DYM: variants seen among roughly 807,000 people sequenced by gnomAD.
The protein encoded by DYM is dyggve-Melchior-Clausen syndrome protein.
Under a neutral mutation model 93.1 loss-of-function variants are expected in DYM, and 78 were observed. That is an observed-to-expected ratio of 0.84 (90% CI 0.70 to 1.01). The LOEUF is 1.01. Ranked by LOEUF, DYM falls within the 50% of genes least tolerant of loss-of-function variation. The pLI is 0.00. For synonymous variants in DYM, 321 were observed against 319.7 expected, an observed-to-expected ratio of 1.00 and a Z score of -0.04; for missense variants, 789 against 845.0, an observed-to-expected ratio of 0.93 and a Z score of 0.82.
At chr18:49,080,573 G>A (rs1315414765) in intron 17 of DYM, among the ~76,000 whole-genome samples, 4 of 142,050 alleles carry the variant, frequency 2.8e-5, no homozygotes, top group Non-Finnish European at 4.6e-5. Context: ...CGGACGGGGC[G>A]GCTGGCCGGG....
At chr18:49,387,944 T>C (rs1469016811) in intron 3 of DYM, among the ~76,000 whole-genome samples, 1 of 152,230 alleles carries the variant, frequency 6.6e-6, no homozygotes, top group Non-Finnish European at 1.5e-5. Flanking sequence ...TGCTCTATAC[T>C]AGCTTTGAAA....
intron 15 of DYM, among the ~76,000 whole-genome samples, chr18:49,123,844 T>C (rs1408673814): frequency 1.3e-5 from 2 of 152,206 alleles, no homozygotes; most frequent in African/African-American, 4.8e-5. Context: ...AGGAAGAGAC[T>C]TCAAGCTTCA....
At chr18:49,099,272 G>A (rs2079880666) in intron 16 of DYM, among the ~76,000 whole-genome samples, 1 of 151,936 alleles carries the variant, frequency 6.6e-6, no homozygotes, top group Non-Finnish European at 1.5e-5. Flanking sequence ...GTTTATAGCA[G>A]TAGATCATAC....
chr18:49,292,604 A>C lies in DYM; in HGVS notation c.764-5988T>G, dbSNP rs1414411485. On this transcript the variant is annotated intron_variant, in intron 8 of 17. Coordinates refer to ENST00000675505, the MANE Select transcript of DYM (RefSeq NM_001353214.3). The stretch of plus-strand genomic sequence containing the variant: ...CATTTTCCTGTTGGAAAAAAAAAAA[A>C]AAAAAAAAAAAAAAAAAAAAACCCC... Among the ~76,000 whole-genome samples, 118 of 68,174 alleles carry C rather than the reference A, an allele frequency of 1.7e-3. 1 individual carries two copies. In the East Asian group the frequency reaches 0.033, roughly 19 times the overall value. 44.7% of individuals were successfully genotyped at this position (68,174 alleles called of 152,430 possible). A position where few individuals can be genotyped will look rare whatever the true frequency, so the allele number is the denominator to read the frequency against.
intron 8 of DYM, among the ~76,000 whole-genome samples, chr18:49,290,487 T>G (rs1209328259): frequency 6.6e-6 from 1 of 152,094 alleles, no homozygotes; most frequent in Non-Finnish European, 1.5e-5. Context: ...TTTACTTGTA[T>G]AGTTTAATTT....
chr18:49,440,506 T>C (rs1396268385), intron 1 of DYM, among the ~76,000 whole-genome samples: 1 of 64,664 alleles, frequency 1.5e-5, no homozygotes, highest in Admixed American at 2.9e-4. Context: ...TATATGACTA[T>C]ATATTATATA....
intron 3 of DYM, among the ~76,000 whole-genome samples, chr18:49,388,281 GAT>G (rs1372281170): frequency 2.0e-5 from 3 of 152,066 alleles, no homozygotes; most frequent in Non-Finnish European, 2.9e-5. Flanking sequence ...AGTGAGCGGT[GAT>G]AGTGCCACTG....
At chr18:49,249,041 G>C (rs2094229646) in intron 13 of DYM, among the ~76,000 whole-genome samples, 1 of 152,204 alleles carries the variant, frequency 6.6e-6, no homozygotes, top group Admixed American at 6.5e-5. Context: ...TTAGATTGTA[G>C]AGAACTGTCT....
Position 49,038,394 on chromosome 18 carries a change from G to T in DYM, c.*5661C>A, listed in dbSNP as rs913811342. Among the ~76,000 whole-genome samples, 1 of 152,050 alleles carries T rather than the reference G, an allele frequency of 6.6e-6. No homozygotes were observed. The highest frequency in any genetic ancestry group is 6.5e-5 in the Admixed American group (1 of 15,282). On this transcript the variant is annotated 3_prime_UTR_variant, in exon 18 of 18. Transcript: ENST00000675505. ...TATATTTTAAGTGCATATAAATTTA[G>T]ATTATCTTTCTAGTAATTGAATTGA... is the stretch of plus-strand genomic sequence containing the variant.
chr18:49,398,639 C>A (rs986389513), intron 2 of DYM, among the ~76,000 whole-genome samples: 1 of 152,176 alleles, frequency 6.6e-6, no homozygotes, highest in Non-Finnish European at 1.5e-5. Flanking sequence ...ATTCCTGGGA[C>A]CAGTTCTTCC....
intron 17 of DYM, among the ~76,000 whole-genome samples, chr18:49,066,148 C>T (rs1228554532): frequency 6.7e-6 from 1 of 148,760 alleles, no homozygotes; most frequent in Middle Eastern, 3.2e-3. Context: ...GCAAAAACCA[C>T]GATTACTTTT....
At chr18:49,274,751 C>A (rs746084407) in intron 10 of DYM, among the ~76,000 whole-genome samples, 2 of 152,056 alleles carry the variant, frequency 1.3e-5, no homozygotes, top group Non-Finnish European at 2.9e-5. Context: ...TTGTTTTTTT[C>A]ATGGGTGTAT....
intron 14 of DYM, among the ~76,000 whole-genome samples, chr18:49,171,641 C>G (rs2088741287): frequency 6.6e-6 from 1 of 152,126 alleles, no homozygotes; most frequent in African/African-American, 2.4e-5. Flanking sequence ...AACCAAATCT[C>G]ACACCAAGTG....
intron 17 of DYM, among the ~76,000 whole-genome samples, chr18:49,080,844 G>A (rs1282988432): frequency 4.0e-5 from 6 of 151,076 alleles, no homozygotes; most frequent in Non-Finnish European, 8.9e-5. Context: ...GGGCAGAGAC[G>A]CTCCTCACCT....
At chr18:49,278,250 T>G (rs1248080419) in intron 10 of DYM, among the ~76,000 whole-genome samples, 1 of 152,210 alleles carries the variant, frequency 6.6e-6, no homozygotes, top group Non-Finnish European at 1.5e-5. Flanking sequence ...ATTTTCTAAG[T>G]GTCTCTTCAG....
chr18:49,162,282 TAAAG>T (rs1233513684), intron 15 of DYM, among the ~76,000 whole-genome samples: 1 of 152,134 alleles, frequency 6.6e-6, no homozygotes, highest in African/African-American at 2.4e-5. Flanking sequence ...AGGTAATTTA[TAAAG>T]AAAAAGGAAT....
intron 17 of DYM, among the ~76,000 whole-genome samples, chr18:49,080,631 G>A (rs2077853946): frequency 6.8e-6 from 1 of 148,058 alleles, no homozygotes; most frequent in Admixed American, 6.7e-5. Flanking sequence ...GGCTGGCCGG[G>A]CGGGGGGCTG....
intron 11 of DYM, among the ~76,000 whole-genome samples, chr18:49,264,268 T>C (rs2094535758): frequency 6.6e-6 from 1 of 152,026 alleles, no homozygotes; most frequent in African/African-American, 2.4e-5. Flanking sequence ...TCAAATATGT[T>C]CTCATGAGAA....
At chr18:49,258,839 C>CACAGAGAGAGAG (rs1452041255) in intron 11 of DYM, among the ~76,000 whole-genome samples, 2 of 113,716 alleles carry the variant, frequency 1.8e-5, no homozygotes, top group East Asian at 5.9e-4. Context: ...CACACACACA[C>CACAGAGAGAGAG]AGAGAGAGAG....
Sources: gnomAD v4.1 joint callset for allele counts (sites outside exome capture counted in the v4.1 genomes callset) on GRCh38, gnomAD v4.1.1 for gene constraint, MANE v1.5 for transcripts, NCBI Gene and HGNC (gene_info 2026-07-23, HGNC 2026-07-21) for gene names.